The following NHLRC3 variants were observed in gnomAD, a reference collection of about 807,000 sequenced individuals.
NHLRC3 encodes NHL repeat-containing protein 3.
In NHLRC3, 23 loss-of-function variants were observed where a neutral mutation model predicts 32.0. The ratio of observed to expected loss-of-function variants is 0.72; its 90% CI spans 0.52 to 1.02. The LOEUF is 1.02. Ranked by LOEUF, NHLRC3 falls within the 50% of genes least tolerant of loss-of-function variation. The pLI is 0.00. For missense variants in NHLRC3, 407 were observed against 406.8 expected, an observed-to-expected ratio of 1.00 and a Z score of -0.01; for synonymous variants, 159 against 147.9, an observed-to-expected ratio of 1.08 and a Z score of -0.55.
chr13:39,039,060 T>A, intron 1 of NHLRC3, 76 bp from the exon 2 acceptor site: 1 of 803,298 alleles, frequency 1.2e-6, no homozygotes, highest in Admixed American at 2.1e-5. Flanking sequence ...ATAAGCCCTG[T>A]TACCCGGCCC....
At chr13:39,045,518 T>G (rs908743736) in intron 5 of NHLRC3, among the ~76,000 whole-genome samples, 1 of 152,220 alleles carries the variant, frequency 6.6e-6, no homozygotes, top group African/African-American at 2.4e-5. Context: ...TTAATTCATT[T>G]AATCATCACC....
At chr13:39,044,263 GTGTGTC>G in intron 5 of NHLRC3, 82 bp downstream of exon 5, 1 of 935,822 alleles carries the variant, frequency 1.1e-6, no homozygotes, top group Non-Finnish European at 1.7e-6. Flanking sequence ...GTGTGTGTGT[GTGTGTC>G]TGGGCATGTA....
chr13:39,043,898 A>G (rs1871556338), intron 4 of NHLRC3, among the ~76,000 whole-genome samples, 192 bp from the exon 5 acceptor site: 1 of 152,104 alleles, frequency 6.6e-6, no homozygotes. Flanking sequence ...AATTCCCTAA[A>G]GCAGAGAAGG....
rs968908152 is a variant in NHLRC3, at chr13:39,038,543, A to G, written c.-97A>G. The G allele has an allele frequency of 1.5e-5, 15 of 1,015,344 alleles. No individual in the cohort carries two copies. In the African/African-American group the frequency reaches 2.2e-4, roughly 15 times the overall value. The allele number at this position is 1,015,344 out of a possible 1,614,324, so 62.9% of individuals were successfully genotyped here. On this transcript the variant is annotated 5_prime_UTR_variant, in exon 1 of 7. Coordinates refer to ENST00000379600, the MANE Select transcript of NHLRC3 (RefSeq NM_001012754.4). ...GAGATAGGGTCTTCGGGCCCCGGGC[A>G]GACCCTCTGTGCCGCTGCAAACCGT...
Position 39,039,738 on chromosome 13 carries a change from A to G in NHLRC3, c.385+27A>G, listed in dbSNP as rs752154601. The G allele has an allele frequency of 3.3e-6, 5 of 1,536,914 alleles. No individual in the cohort carries two copies. The African/African-American group carries it at 5.5e-5, about 17-fold the overall frequency. ...TATGTATAGTAATATCTATTAAATT[A>G]TCTTACTGGAAATCACATCTTTGCA... is the stretch of plus-strand genomic sequence containing the variant. On this transcript the variant is annotated intron_variant, in intron 3 of 6. Coordinates refer to ENST00000379600, the MANE Select transcript of NHLRC3 (RefSeq NM_001012754.4).
intron 5 of NHLRC3, among the ~76,000 whole-genome samples, chr13:39,046,236 G>A (rs1319941774): frequency 6.6e-6 from 1 of 152,104 alleles, no homozygotes; most frequent in African/African-American, 2.4e-5. Flanking sequence ...GGAGAATGGC[G>A]TGTACCCGGG....
rs1256995390 is a variant in NHLRC3, at chr13:39,049,644, T to A, written c.*1718T>A. 2 of 152,262 alleles carry A rather than the reference T, an allele frequency of 1.3e-5. No individual in the cohort carries two copies. Among genetic ancestry groups the A allele is most frequent in the Non-Finnish European group, 2.9e-5 (2 of 68,040 alleles). The allele number at this position is 152,262 out of a possible 1,614,324, so 9.4% of individuals were successfully genotyped here. ...GTATCCTCATAGACTTTATGCAGAT[T>A]AATATGGTCAATTGATTTGGATAAA... On this transcript the variant is annotated 3_prime_UTR_variant, in exon 7 of 7. Transcript: ENST00000379600.
At chr13:39,042,417 G>A (rs1871501642) in intron 4 of NHLRC3, 112 bp downstream of exon 4, 1 of 637,744 alleles carries the variant, frequency 1.6e-6, no homozygotes, top group Non-Finnish European at 2.6e-6. Flanking sequence ...AAAGAGCTAA[G>A]TGTATTACTA....
chr13:39,044,229 TTGTGTGTGTGTGTGTG>T lies in NHLRC3; in HGVS notation c.678+72_678+87del, dbSNP rs370553701. The T allele has an allele frequency of 8.6e-5, 74 of 859,232 alleles. No individual in the cohort carries two copies. The East Asian group carries it at 8.8e-4, about 10-fold the overall frequency. The allele number at this position is 859,232 out of a possible 1,614,324, so 53.2% of individuals were successfully genotyped here. A position where few individuals can be genotyped will look rare whatever the true frequency, so the allele number is the denominator to read the frequency against. On this transcript the variant is annotated intron_variant, in intron 5 of 6. Coordinates refer to ENST00000379600, the MANE Select transcript of NHLRC3 (RefSeq NM_001012754.4). ...TCTGGGACTTTGTGTCTGAATATGT[TTGTGTGTGTGTGTGTG>T]TGTGTGTGTGTGTGTGTGTGTGTCT...
In NHLRC3 at chr13:39,042,153, T is replaced by C. The variant is rs1206199626; in HGVS notation, c.434T>C (p.Val145Ala). 1 of 1,612,276 alleles carries C rather than the reference T, an allele frequency of 6.2e-7. No homozygotes were observed. Among genetic ancestry groups the C allele is most frequent in the Non-Finnish European group, 8.5e-7 (1 of 1,178,578 alleles). Residue 145 changes from valine (V) to alanine (A), a missense_variant, in exon 4 of 7, where the codon GTT becomes GCT. Physicochemically the swap from Val to Ala is moderately conservative, Grantham distance 64. Transcript: ENST00000379600. Reference sequence around the variant, plus strand: ...AAATACAGTTCTTTTGGTGATCTTGTTCAAGTCTTGGGTACTCCAGGCAAA... The same window carrying C: ...AAATACAGTTCTTTTGGTGATCTTGCTCAAGTCTTGGGTACTCCAGGCAAA... ...VKKYSSFGDL[V>A]QVLGTPGKKG...
intron 3 of NHLRC3, 110 bp from the exon 4 acceptor site, chr13:39,041,995 C>T (rs965418886): frequency 4.7e-6 from 3 of 637,124 alleles, no homozygotes; most frequent in Non-Finnish European, 8.3e-6. Context: ...AAGCCTATCA[C>T]CTATTTGTTA....
At chr13:39,041,401 A>G (rs538255382) in intron 3 of NHLRC3, 48 of 152,252 alleles carry the variant, frequency 3.2e-4, no homozygotes, top group African/African-American at 1.1e-3. Context: ...TTGTCTTTTG[A>G]ATACCTATCA....
chr13:39,038,967 G>A lies in NHLRC3; in HGVS notation c.85-169G>A, dbSNP rs201001464. ...TAATTTGCAGACTTGTATTGTGGTC[G>A]TGTTGGTCTTTAGGCATCTAAGCTC... On this transcript the variant is annotated intron_variant, in intron 1 of 6. Coordinates refer to ENST00000379600, the MANE Select transcript of NHLRC3 (RefSeq NM_001012754.4). 206 of 641,706 alleles carry A rather than the reference G, an allele frequency of 3.2e-4. 1 individual carries two copies. The East Asian group carries it at 5.6e-3, about 17-fold the overall frequency. The allele number at this position is 641,706 out of a possible 1,614,324, so 39.8% of individuals were successfully genotyped here. A position where few individuals can be genotyped will look rare whatever the true frequency, so the allele number is the denominator to read the frequency against.
chr13:39,046,250 C>T (rs1448187319), intron 5 of NHLRC3, among the ~76,000 whole-genome samples: 4 of 152,096 alleles, frequency 2.6e-5, no homozygotes, highest in African/African-American at 7.2e-5. Flanking sequence ...ACCCGGGAGG[C>T]GGAGCTTGCA....
In NHLRC3 at chr13:39,043,174, A is replaced by G. The variant is rs1222254858; in HGVS notation, c.586+869A>G. 2.0e-5 allele frequency among the ~76,000 whole-genome samples: 3 copies of G among 151,672 alleles called. No homozygotes were observed. In the South Asian group the frequency reaches 6.3e-4, roughly 32 times the overall value. The stretch of plus-strand genomic sequence containing the variant: ...TTAGTAACTGAATTTGGTTGATAAC[A>G]GTTGAAAGGGAAATGTAGAATAAGG... On this transcript the variant is annotated intron_variant, in intron 4 of 6. Coordinates refer to ENST00000379600, the MANE Select transcript of NHLRC3 (RefSeq NM_001012754.4).
upstream of NHLRC3, chr13:39,038,392 C>A: frequency 1.8e-6 from 1 of 553,226 alleles, no homozygotes; most frequent in Non-Finnish European, 3.2e-6. Context: ...GCCCGAAGCA[C>A]CTGACATGAG....
chr13:39,047,171 T>C lies in NHLRC3; in HGVS notation c.791+19T>C. On this transcript the variant is annotated intron_variant, in intron 6 of 6. Transcript: ENST00000379600. ...CAGTCAGGTAATTGTTTCATTTTAT[T>C]GCAAAATGCTTGTTTTAGTTAGTGT... 2 of 1,403,794 alleles carry C rather than the reference T, an allele frequency of 1.4e-6. No individual in the cohort carries two copies. Among genetic ancestry groups the C allele is most frequent in the Non-Finnish European group, 2.0e-6 (2 of 995,614 alleles). The allele number at this position is 1,403,794 out of a possible 1,614,324, so 87.0% of individuals were successfully genotyped here.
Position 39,047,818 on chromosome 13 carries a change from C to G in NHLRC3, c.936C>G (p.Leu312=), listed in dbSNP as rs750707193. Residue 312 remains leucine, a synonymous_variant, in exon 7 of 7, where the codon CTC becomes CTG. Coordinates refer to ENST00000379600, the MANE Select transcript of NHLRC3 (RefSeq NM_001012754.4). The stretch of plus-strand genomic sequence containing the variant: ...TAGCAGATCAAGTTTTGCCACATCT[C>G]CTAGAAGTCGACAGAAAGACTGGAG... The part of the protein sequence containing the change: ...IQLADQVLPH[L]LEVDRKTGAV... The G allele has an allele frequency of 1.9e-6, 3 of 1,614,028 alleles. No individual in the cohort carries two copies. Among genetic ancestry groups the G allele is most frequent in the Non-Finnish European group, 2.5e-6 (3 of 1,180,008 alleles).
Position 39,044,879 on chromosome 13 carries a change from G to A in NHLRC3, c.678+698G>A, listed in dbSNP as rs35946193. Among the ~76,000 whole-genome samples, 556 of 152,156 alleles carry A rather than the reference G, an allele frequency of 3.7e-3. 1 individual carries two copies. The highest frequency in any genetic ancestry group is 6.6e-3 in the Non-Finnish European group (449 of 68,002). ...CTTTTCCTATAGCAGCCTGTACTTC[G>A]TATCATAGTAACTATCATGCTATAT... On this transcript the variant is annotated intron_variant, in intron 5 of 6. Coordinates refer to ENST00000379600, the MANE Select transcript of NHLRC3 (RefSeq NM_001012754.4).
Sources: gnomAD v4.1 joint callset for allele counts (sites outside exome capture counted in the v4.1 genomes callset) on GRCh38, gnomAD v4.1.1 for gene constraint, MANE v1.5 for transcripts, NCBI Gene and HGNC (gene_info 2026-07-23, HGNC 2026-07-21) for gene names.